Variants in CNTN5 observed in about 807,000 individuals in gnomAD.
The protein encoded by CNTN5 is contactin-5.
A neutral mutation model predicts 129.1 loss-of-function variants in CNTN5; 77 were observed. The ratio of observed to expected loss-of-function variants is 0.60; its 90% CI spans 0.50 to 0.72. The LOEUF (loss-of-function observed/expected upper bound fraction) is 0.72, where lower values mean the gene tolerates loss of function less well. Among genes scored for constraint, CNTN5 ranks in the 30% least tolerant of loss-of-function variants. CNTN5 has a pLI of 0.00. For synonymous variants in CNTN5, 509 were observed against 465.6 expected (o/e 1.09, Z -1.20); for missense variants, 1,478 against 1,328.8 (o/e 1.11, Z -1.75).
At chr11:100,039,247 T>C (rs949227329) in intron 9 of CNTN5, among the ~76,000 whole-genome samples, 1 of 152,230 alleles carries the variant, frequency 6.6e-6, no homozygotes, top group South Asian at 2.1e-4. Context: ...TGGCTGGATA[T>C]GAAATTCTAG....
intron 1 of CNTN5, among the ~76,000 whole-genome samples, chr11:99,299,764 C>T (rs373742615): frequency 5.9e-5 from 9 of 152,140 alleles, no homozygotes; most frequent in East Asian, 1.9e-4. Context: ...CCATAGTGTG[C>T]GCATGTGTGT....
intron 3 of CNTN5, among the ~76,000 whole-genome samples, chr11:99,723,816 G>T (rs531673398): frequency 1.3e-5 from 2 of 152,024 alleles, no homozygotes; most frequent in South Asian, 2.1e-4. Flanking sequence ...TTTAAATAAT[G>T]TTATGGGATA....
At chr11:99,990,455 TACACAC>T (rs57175307) in intron 8 of CNTN5, among the ~76,000 whole-genome samples, 1 of 145,080 alleles carries the variant, frequency 6.9e-6, no homozygotes, top group Non-Finnish European at 1.5e-5. Flanking sequence ...TATATATATA[TACACAC>T]ACACACACAC....
intron 15 of CNTN5, among the ~76,000 whole-genome samples, chr11:100,212,780 G>T (rs969100066): frequency 6.6e-6 from 1 of 152,178 alleles, no homozygotes; most frequent in African/African-American, 2.4e-5. Context: ...CAGATATAAT[G>T]TCCAATAACT....
intron 3 of CNTN5, among the ~76,000 whole-genome samples, chr11:99,642,699 C>T (rs1305363881): frequency 6.6e-6 from 1 of 152,014 alleles, no homozygotes; most frequent in East Asian, 1.9e-4. Flanking sequence ...AAACTTATTC[C>T]TCCTGTCTAA....
chr11:100,186,135 A>C (rs958908517), intron 13 of CNTN5, among the ~76,000 whole-genome samples: 1 of 152,102 alleles, frequency 6.6e-6, no homozygotes, highest in Non-Finnish European at 1.5e-5. Context: ...CAAGACAGGT[A>C]CATTCTTTGA....
At chr11:99,938,672 A>G (rs867107132) in intron 7 of CNTN5, among the ~76,000 whole-genome samples, 8 of 152,244 alleles carry the variant, frequency 5.3e-5, no homozygotes, top group Admixed American at 2.0e-4. Flanking sequence ...AAGATATTCT[A>G]AACTAATAAC....
chr11:100,037,645 C>T (rs193289427), intron 9 of CNTN5, among the ~76,000 whole-genome samples: 1 of 152,054 alleles, frequency 6.6e-6, no homozygotes, highest in Admixed American at 6.6e-5. Context: ...ACAATTTCAG[C>T]TCCTGTTGTT....
At chr11:99,143,797 A>G (rs1459603098) in intron 1 of CNTN5, among the ~76,000 whole-genome samples, 1 of 151,744 alleles carries the variant, frequency 6.6e-6, no homozygotes, top group Non-Finnish European at 1.5e-5. Flanking sequence ...TTTTTCAAAC[A>G]TAACACATTT....
intron 1 of CNTN5, among the ~76,000 whole-genome samples, chr11:99,033,941 C>T (rs1863548355): frequency 1.3e-5 from 2 of 151,244 alleles, no homozygotes; most frequent in African/African-American, 4.9e-5. Context: ...GAAATACGTC[C>T]CATCAATACC....
intron 12 of CNTN5, 21 bp from the exon 13 acceptor site, chr11:100,074,123 T>TG: frequency 6.2e-7 from 1 of 1,601,636 alleles, no homozygotes; most frequent in Non-Finnish European, 8.5e-7. Context: ...TGGTAGAAAC[T>TG]AACATTTGCT....
At position 99,226,630 on chromosome 11, in the gene CNTN5, T is replaced by C. The variant is rs1161358635; in HGVS notation, c.-209-98716T>C. Among the ~76,000 whole-genome samples, 3 of 152,286 alleles carry C rather than the reference T, an allele frequency of 2.0e-5. No homozygotes were observed. In the South Asian group the frequency reaches 6.2e-4, roughly 32 times the overall value. On this transcript the variant is annotated intron_variant, in intron 1 of 24. Transcript: ENST00000524871. ...CTCCACTATGATTCCATAAAACATA[T>C]GTAGTATCTTCACTATAGAAAAATC...
chr11:99,546,410 C>A, intron 2 of CNTN5, among the ~76,000 whole-genome samples: 1 of 152,034 alleles, frequency 6.6e-6, no homozygotes, highest in Admixed American at 6.6e-5. Context: ...CCATTCAGAA[C>A]CCCAAGCTCA....
At chr11:99,734,948 C>T (rs1317634716) in intron 3 of CNTN5, among the ~76,000 whole-genome samples, 2 of 152,242 alleles carry the variant, frequency 1.3e-5, no homozygotes, top group African/African-American at 4.8e-5. Flanking sequence ...GCGGAGCTTG[C>T]AGTGAGCCGA....
At chr11:99,335,376 G>A (rs1436541931) in intron 2 of CNTN5, among the ~76,000 whole-genome samples, 1 of 151,870 alleles carries the variant, frequency 6.6e-6, no homozygotes, top group Non-Finnish European at 1.5e-5. Flanking sequence ...TACCTATATG[G>A]TGCCCATGCT....
chr11:100,058,017 T>C (rs914579685), intron 9 of CNTN5, among the ~76,000 whole-genome samples: 6 of 152,088 alleles, frequency 3.9e-5, no homozygotes, highest in Non-Finnish European at 8.8e-5. Flanking sequence ...GCTACCTCTA[T>C]ACCCAGTCAG....
intron 1 of CNTN5, among the ~76,000 whole-genome samples, chr11:99,161,056 G>T (rs1172659814): frequency 6.6e-6 from 1 of 152,064 alleles, no homozygotes; most frequent in Non-Finnish European, 1.5e-5. Context: ...AGAAAAAGTG[G>T]ACCACGGAGG....
chr11:99,242,091 A>G (rs763998614), intron 1 of CNTN5, among the ~76,000 whole-genome samples: 11 of 152,198 alleles, frequency 7.2e-5, no homozygotes, highest in African/African-American at 9.6e-5. Context: ...CATTCAAAAT[A>G]AAATGTATAT....
At chr11:99,113,167 C>T (rs78567011) in intron 1 of CNTN5, among the ~76,000 whole-genome samples, 2,236 of 152,132 alleles carry the variant, frequency 0.015, 49 homozygotes, top group African/African-American at 0.05. Flanking sequence ...GTATCTTTTT[C>T]AGAGTAACAG....
Sources: gnomAD v4.1 joint callset for allele counts (sites outside exome capture counted in the v4.1 genomes callset) on GRCh38, gnomAD v4.1.1 for gene constraint, MANE v1.5 for transcripts, NCBI Gene and HGNC (gene_info 2026-07-23, HGNC 2026-07-21) for gene names.